DNMT1: variants seen among roughly 807,000 people sequenced by gnomAD.
DNMT1 encodes DNA methyltransferase 1, also known as DNA (cytosine-5)-methyltransferase 1.
DNMT1 carries 24 observed loss-of-function variants against 205.3 expected under a neutral mutation model. That is an observed-to-expected ratio of 0.12 (90% CI 0.08 to 0.16). The LOEUF (loss-of-function observed/expected upper bound fraction) is 0.16. Among genes scored for constraint, DNMT1 ranks in the 10% least tolerant of loss-of-function variants. The probability of loss-of-function intolerance (pLI) is 1.00; values close to 1 mark genes in which losing one functional copy is unlikely to be tolerated. For missense variants in DNMT1, 1,293 were observed against 2,177.7 expected, an observed-to-expected ratio of 0.59 and a Z score of 8.09; for synonymous variants, 817 against 839.8, an observed-to-expected ratio of 0.97 and a Z score of 0.47.
In DNMT1 at chr19:10,146,517, C is replaced by T; in HGVS notation, c.2728G>A (p.Val910Met). 1 of 1,614,074 alleles carries T rather than the reference C, an allele frequency of 6.2e-7. No homozygotes were observed. The highest frequency in any genetic ancestry group is 8.5e-7 in the Non-Finnish European group (1 of 1,180,038). The change falls in exon 28 of 41, where the codon GTG becomes ATG. Residue 910 changes from valine (V) to methionine (M), a missense_variant. Val to Met is a conservative substitution (Grantham distance 21). Around this residue, in one of 13 missense-constraint regions of DNMT1, gnomAD observed 112 missense variants for 116.6 expected, o/e 0.96. Coordinates refer to ENST00000359526, the MANE Select transcript of DNMT1 (RefSeq NM_001130823.3). This position sits in a 1 kb window ranked among gnomAD's most constrained non-coding sequence, Gnocchi z 4.4. ...ATCTCAGCCAGACGGGCACAGCTCA[C>T]ACAGAATCTGAAGGAAACAAAGGGA... ...PTEDNKFKFC[V>M]SCARLAEMRQ...
chr19:10,166,604 G>A lies in DNMT1; in HGVS notation c.885C>T (p.Asp295=), dbSNP rs767084989. The A allele has an allele frequency of 3.2e-5, 51 of 1,614,016 alleles. No individual in the cohort carries two copies. Among genetic ancestry groups the A allele is most frequent in the East Asian group, 1.3e-4 (6 of 44,900 alleles). ...ACAAATAACCCGCCTTTACTTTCTC[G>A]TCTCCATCTTCGTCCTCGTCAGCCT... ...GVQADEDEDG[D]EKDEKKHRSQ... is the part of the protein sequence containing the mutation. The change falls in exon 11 of 41, where the codon GAC becomes GAT. Residue 295 remains aspartate (D), a synonymous_variant. Transcript: ENST00000359526.
In DNMT1 at chr19:10,137,159, C is replaced by T. The variant is rs780170131; in HGVS notation, c.4415G>A (p.Arg1472Gln). The T allele has an allele frequency of 2.5e-6, 4 of 1,609,802 alleles. No homozygotes were observed. The highest frequency in any genetic ancestry group is 1.7e-5 in the Admixed American group (1 of 59,410). The change falls in exon 37 of 41, where the codon CGG becomes CAG. Residue 1472 changes from arginine to glutamine, a missense_variant. Physicochemically the swap from Arg to Gln is conservative, Grantham distance 43 (BLOSUM62 1). Transcript: ENST00000359526. This position sits in a 1 kb window ranked among gnomAD's most constrained non-coding sequence, Gnocchi z 6.4. ...GTTCTTCCTGTCATGGTGGGTATAC[C>T]GCAGCTTCCTGGCCATGGTGCCGTC... is the stretch of plus-strand genomic sequence containing the variant. ...LSDGTMARKL[R>Q]YTHHDRKNGR...
At position 10,151,493 on chromosome 19, in the gene DNMT1, T is replaced by TATC. The variant is rs2038341091; in HGVS notation, c.2167_2169dup (p.Asp723dup). 2 of 1,614,150 alleles carry TATC rather than the reference T, an allele frequency of 1.2e-6. No homozygotes were observed. The highest frequency in any genetic ancestry group is 1.7e-6 in the Non-Finnish European group (2 of 1,180,034). On this transcript the variant is annotated inframe_insertion, in exon 24 of 41. Transcript: ENST00000359526. The surrounding 1 kb of genome is among the most constrained non-coding windows in gnomAD (Gnocchi z 5.0). ...TTGGGTGACGGCATCTCTGGGATGT[T>TATC]ATCATCGACTTCCTCATCGTCATCT...
chr19:10,149,751 T>C (rs1056903464), intron 25 of DNMT1, 94 bp from the exon 26 acceptor site: 12 of 1,607,638 alleles, frequency 7.5e-6, no homozygotes, highest in Non-Finnish European at 9.4e-6. Flanking sequence ...TTTTCAGTTT[T>C]CATCTAGGGC....
At position 10,159,636 on chromosome 19, in the gene DNMT1, A is replaced by ATGC; in HGVS notation, c.1280+19_1280+21dup. ...ATGTGCCTCCTTCCACGAAGCAAAC[A>ATGC]TGCACACGAAAGTGCACTTACCTGA... On this transcript the variant is annotated intron_variant, in intron 17 of 40. Transcript: ENST00000359526. This position sits in a 1 kb window ranked among gnomAD's most constrained non-coding sequence, Gnocchi z 5.0. 6.2e-7 allele frequency: 1 copy of ATGC among 1,612,200 alleles called. No homozygotes were observed. The highest frequency in any genetic ancestry group is 1.3e-5 in the African/African-American group (1 of 75,018).
In DNMT1 at chr19:10,170,866, T is replaced by A. The variant is rs79507839; in HGVS notation, c.768+2224A>T. Among the ~76,000 whole-genome samples the A allele has an allele frequency of 5.0e-3, 757 of 152,246 alleles. 5 individuals carry two copies. The highest frequency in any genetic ancestry group is 0.017 in the African/African-American group (712 of 41,562). On this transcript the variant is annotated intron_variant, in intron 9 of 40. Transcript: ENST00000359526. ...TGGATTGCAGTGGGACAATCATGGC[T>A]CACTGTATCCTCAGCCTCCTGAGCT...
chr19:10,148,782 G>A (rs1399485200), intron 27 of DNMT1, 102 bp downstream of exon 27: 3 of 1,593,602 alleles, frequency 1.9e-6, no homozygotes, highest in African/African-American at 1.3e-5. Flanking sequence ...GACACAAACT[G>A]GGGGGCCGTT....
Position 10,137,364 on chromosome 19 carries a change from T to A in DNMT1, c.4294-84A>T. The stretch of plus-strand genomic sequence containing the variant: ...GGTGGGCTGGGAGCTGGGAACACCA[T>A]GGTGACCAGGAAGCCCCCTGGGGCT... On this transcript the variant is annotated intron_variant, in intron 36 of 40. Coordinates refer to ENST00000359526, the MANE Select transcript of DNMT1 (RefSeq NM_001130823.3). This position sits in a 1 kb window ranked among gnomAD's most constrained non-coding sequence, Gnocchi z 6.4. 2 of 1,504,604 alleles carry A rather than the reference T, an allele frequency of 1.3e-6. No homozygotes were observed. The highest frequency in any genetic ancestry group is 2.0e-5 in the Admixed American group (1 of 50,710). The allele number at this position is 1,504,604 out of a possible 1,614,324, so 93.2% of individuals were successfully genotyped here.
chr19:10,139,853 C>T (rs1274412704), intron 33 of DNMT1, 36 bp from the exon 34 acceptor site: 1 of 1,561,480 alleles, frequency 6.4e-7, no homozygotes, highest in South Asian at 1.2e-5. Context: ...GAGTCACCTC[C>T]ACAGACAGAG....
Position 10,136,307 on chromosome 19 carries a change from T to C in DNMT1, c.4490-20A>G, listed in dbSNP as rs1171313583. Reference sequence around the variant, plus strand: ...TGCCGGCTGGAAGACAGGACAGTGATGAGGCTGCAGTTGTGGGATGGGGTA... The same window carrying C: ...TGCCGGCTGGAAGACAGGACAGTGACGAGGCTGCAGTTGTGGGATGGGGTA... On this transcript the variant is annotated intron_variant, in intron 37 of 40. Transcript: ENST00000359526. 6.2e-7 allele frequency: 1 copy of C among 1,613,074 alleles called. No homozygotes were observed. The highest frequency in any genetic ancestry group is 2.2e-5 in the East Asian group (1 of 44,884).
At chr19:10,136,373 G>A (rs2089483531) in intron 37 of DNMT1, 86 bp from the exon 38 acceptor site, 1 of 1,565,508 alleles carries the variant, frequency 6.4e-7, no homozygotes, top group South Asian at 1.2e-5. Flanking sequence ...GGGAGGCAGA[G>A]ATGGCACCTC....
At chr19:10,173,463 G>C (rs1204313144) in intron 8 of DNMT1, among the ~76,000 whole-genome samples, 1 of 151,664 alleles carries the variant, frequency 6.6e-6, no homozygotes, top group African/African-American at 2.4e-5. Flanking sequence ...GGTTGCCATG[G>C]AAACACACGA....
intron 17 of DNMT1, among the ~76,000 whole-genome samples, chr19:10,158,547 G>C (rs532773521): frequency 3.7e-4 from 57 of 152,336 alleles, no homozygotes; most frequent in Non-Finnish European, 7.3e-4. Context: ...CATTTCCCAC[G>C]AAGAACAAGG....
chr19:10,194,623 T>G, intron 1 of DNMT1, 197 bp downstream of exon 1: 7 of 633,134 alleles, frequency 1.1e-5, no homozygotes, highest in East Asian at 3.6e-5. Context: ...CCACGGTCCA[T>G]TTTGGCGCCA....
At chr19:10,193,849 C>G (rs1568264978) in intron 1 of DNMT1, among the ~76,000 whole-genome samples, 1 of 152,088 alleles carries the variant, frequency 6.6e-6, no homozygotes, top group African/African-American at 2.4e-5. Context: ...GGTGAGGGTT[C>G]CTCTGACTCA....
rs1223392165 is a variant in DNMT1, at chr19:10,155,686, ATAAC to A, written c.1492+163_1492+166del. Among the ~76,000 whole-genome samples the A allele has an allele frequency of 2.0e-5, 3 of 152,226 alleles. No homozygotes were observed. In the East Asian group the frequency reaches 5.8e-4, roughly 29 times the overall value. On this transcript the variant is annotated intron_variant, in intron 19 of 40. Coordinates refer to ENST00000359526, the MANE Select transcript of DNMT1 (RefSeq NM_001130823.3). ...TGGAGAGTCAGTTCCAGAGCCAGTC[ATAAC>A]TAACACAAGAGGCTACCCCAACTGA...
intron 7 of DNMT1, among the ~76,000 whole-genome samples, chr19:10,175,096 C>CAA (rs1380747467): frequency 8.4e-6 from 1 of 119,500 alleles, no homozygotes; most frequent in African/African-American, 3.1e-5. Context: ...CACACACACA[C>CAA]ACACACACAC....
At position 10,133,649 on chromosome 19, in the gene DNMT1, G is replaced by T. The variant is rs778467461; in HGVS notation, c.*18C>A. ...GGGGATTCCTGGTGCCAGAAACAGG[G>T]GTGACGGGAGGGCAGAACTAGTCCT... On this transcript the variant is annotated 3_prime_UTR_variant, in exon 41 of 41. Coordinates refer to ENST00000359526, the MANE Select transcript of DNMT1 (RefSeq NM_001130823.3). This position sits in a 1 kb window ranked among gnomAD's most constrained non-coding sequence, Gnocchi z 4.1. 6 of 1,596,574 alleles carry T rather than the reference G, an allele frequency of 3.8e-6. No individual in the cohort carries two copies. The highest frequency in any genetic ancestry group is 1.3e-5 in the African/African-American group (1 of 74,608).
At position 10,159,209 on chromosome 19, in the gene DNMT1, T is replaced by C. The variant is rs944490170; in HGVS notation, c.1280+449A>G. Among the ~76,000 whole-genome samples, 1 of 152,178 alleles carries C rather than the reference T, an allele frequency of 6.6e-6. No homozygotes were observed. The highest frequency in any genetic ancestry group is 1.5e-5 in the Non-Finnish European group (1 of 68,036). On this transcript the variant is annotated intron_variant, in intron 17 of 40. Transcript: ENST00000359526. This position sits in a 1 kb window ranked among gnomAD's most constrained non-coding sequence, Gnocchi z 5.0. ...AAATCAGCAAAGCTCTATTGTCCCT[T>C]CATCAGCTTTCCACGTGGCTCTTTG...
Sources: gnomAD v4.1 joint callset for allele counts (sites outside exome capture counted in the v4.1 genomes callset) on GRCh38, gnomAD v4.1.1 for gene constraint, gnomAD v4.1.1 regional missense constraint, Gnocchi (gnomAD v3.1) non-coding constraint, MANE v1.5 for transcripts, NCBI Gene and HGNC (gene_info 2026-07-23, HGNC 2026-07-21) for gene names.